REELD1: variants seen among roughly 807,000 people sequenced by gnomAD.
REELD1 encodes the protein reelin domain-containing protein 1.
In REELD1, 12 loss-of-function variants were observed where a neutral mutation model predicts 6.3. That is an observed-to-expected ratio of 1.89 (90% CI 1.21 to 3.07). REELD1 has a LOEUF of 3.07. Ranked by LOEUF, REELD1 falls within the 30% of genes most tolerant of loss-of-function variation. The pLI is 0.00. For missense variants in REELD1, 163 were observed against 86.8 expected (o/e 1.88, Z -3.49); for synonymous variants, 57 against 33.6 (o/e 1.70, Z -2.42).
chr4:146,218,844 G>A (rs1032263506), intron 3 of REELD1, among the ~76,000 whole-genome samples: 7 of 152,084 alleles, frequency 4.6e-5, no homozygotes, highest in African/African-American at 9.7e-5. Context: ...GAATAACAAC[G>A]GTAAGAATCA....
rs1424611441 is a variant in REELD1 at position 146,228,329 on chromosome 4, T to C, written c.715T>C (p.Phe239Leu). 2.8e-6 allele frequency: 2 copies of C among 702,412 alleles called. No individual in the cohort carries two copies. The highest frequency in any genetic ancestry group is 3.5e-5 in the African/African-American group (2 of 57,218). The allele number at this position is 702,412 out of a possible 1,614,324, so 43.5% of individuals were successfully genotyped here. Residue 239 changes from phenylalanine to leucine, a missense_variant, in exon 6 of 8, where the codon TTT (phenylalanine) becomes CTT (leucine). Phe to Leu is a conservative substitution (Grantham distance 22, BLOSUM62 0). Transcript: ENST00000623665. ...PVPASIWVTK[F>L]PGDAETLSQP... ...TCCTGCCAGTATTTGGGTGACAAAGTTTCCTGGGGATGCAGAGACTCTGTC... is the reference window on the plus strand; with the variant it reads ...TCCTGCCAGTATTTGGGTGACAAAGCTTCCTGGGGATGCAGAGACTCTGTC...
At chr4:146,222,951 G>A (rs1365523543) in intron 4 of REELD1, among the ~76,000 whole-genome samples, 5 of 152,098 alleles carry the variant, frequency 3.3e-5, no homozygotes, top group Non-Finnish European at 5.9e-5. Context: ...AAATGGACAC[G>A]TCCCTGGGCC....
At chr4:146,226,117 T>A (rs185166755) in intron 5 of REELD1, among the ~76,000 whole-genome samples, 10 of 152,190 alleles carry the variant, frequency 6.6e-5, no homozygotes, top group Non-Finnish European at 1.5e-4. Flanking sequence ...AAAGAATTCG[T>A]AGGCAAGTAT....
chr4:146,228,613 A>G (rs2110926268), intron 6 of REELD1, 91 bp downstream of exon 6: 1 of 607,498 alleles, frequency 1.6e-6, no homozygotes, highest in East Asian at 2.7e-5. Flanking sequence ...AAAAGATCTC[A>G]GCCATATTTT....
chr4:146,226,756 G>A (rs565341180), intron 5 of REELD1, among the ~76,000 whole-genome samples: 2 of 152,250 alleles, frequency 1.3e-5, no homozygotes, highest in East Asian at 3.9e-4. Flanking sequence ...TGCTTCCTTA[G>A]CTCTGGTATT....
chr4:146,218,665 ACAT>A (rs1468144635), intron 3 of REELD1, among the ~76,000 whole-genome samples: 1 of 152,208 alleles, frequency 6.6e-6, no homozygotes, highest in Non-Finnish European at 1.5e-5. Flanking sequence ...AAACTTTGTC[ACAT>A]CATGACACAG....
chr4:146,216,904 T>A (rs1207286041), intron 2 of REELD1, 38 bp from the exon 3 acceptor site: 1 of 398,234 alleles, frequency 2.5e-6, no homozygotes, highest in Non-Finnish European at 4.4e-6. Context: ...TTTTCCTAAA[T>A]AACGTCTGGA....
chr4:146,228,077 C>CT (rs1227132117), intron 5 of REELD1, 133 bp from the exon 6 acceptor site: 1 of 607,362 alleles, frequency 1.6e-6, no homozygotes, highest in African/African-American at 1.8e-5. Flanking sequence ...CTTTTAAGTG[C>CT]CTCACACTTA....
intron 4 of REELD1, among the ~76,000 whole-genome samples, chr4:146,223,904 A>C (rs913668858): frequency 6.6e-5 from 10 of 152,262 alleles, no homozygotes; most frequent in Admixed American, 2.6e-4. Flanking sequence ...CTTTACTGAA[A>C]TATTTGGAAG....
At chr4:146,227,132 C>T (rs1731038697) in intron 5 of REELD1, among the ~76,000 whole-genome samples, 1 of 152,148 alleles carries the variant, frequency 6.6e-6, no homozygotes, top group Admixed American at 6.5e-5. Flanking sequence ...TCAGGGACAC[C>T]AATTACAAGT....
chr4:146,223,794 G>T (rs1348077805), intron 4 of REELD1, among the ~76,000 whole-genome samples: 1 of 152,216 alleles, frequency 6.6e-6, no homozygotes, highest in Admixed American at 6.5e-5. Flanking sequence ...CGCTCACTGC[G>T]TCTCGAGCCT....
intron 3 of REELD1, among the ~76,000 whole-genome samples, chr4:146,218,993 A>G (rs1047515924): frequency 1.3e-5 from 2 of 152,164 alleles, no homozygotes; most frequent in African/African-American, 4.8e-5. Flanking sequence ...TACAAAAAAA[A>G]TACAGAAATT....
chr4:146,228,921 C>A (rs1390104662), intron 6 of REELD1, 104 bp from the exon 7 acceptor site: 4 of 672,116 alleles, frequency 6.0e-6, no homozygotes, highest in Non-Finnish European at 1.1e-5. Context: ...AGAAGTTTTT[C>A]AAGTGAATCT....
chr4:146,227,200 C>T (rs1731040712), intron 5 of REELD1, among the ~76,000 whole-genome samples: 1 of 152,186 alleles, frequency 6.6e-6, no homozygotes, highest in Admixed American at 6.5e-5. Flanking sequence ...AGCGGGTCTG[C>T]AGGAAATATC....
intron 3 of REELD1, among the ~76,000 whole-genome samples, chr4:146,218,374 A>C (rs1578696696): frequency 6.6e-6 from 1 of 152,220 alleles, no homozygotes; most frequent in African/African-American, 2.4e-5. Context: ...AGGAAGCTAC[A>C]GATACTTCAG....
intron 2 of REELD1, among the ~76,000 whole-genome samples, chr4:146,215,918 T>G (rs2110914535): frequency 6.6e-6 from 1 of 152,216 alleles, no homozygotes; most frequent in Non-Finnish European, 1.5e-5. Flanking sequence ...ACCCAGCTAA[T>G]TTTTTGTATT....
Position 146,230,323 on chromosome 4 carries a change from A to G in REELD1, c.1391A>G (p.Tyr464Cys). 2.5e-6 allele frequency: 1 copy of G among 398,920 alleles called. No individual in the cohort carries two copies. Among genetic ancestry groups the G allele is most frequent in the Non-Finnish European group, 4.4e-6 (1 of 226,306 alleles). The allele number at this position is 398,920 out of a possible 1,614,324, so 24.7% of individuals were successfully genotyped here. A position where few individuals can be genotyped will look rare whatever the true frequency, so the allele number is the denominator to read the frequency against. Residue 464 changes from tyrosine to cysteine, a missense_variant, in exon 8 of 8, where the codon TAC becomes TGC. Transcript: ENST00000623665. ...LGMALAAGLR[Y>C]LHTQYCHQQT... The stretch of plus-strand genomic sequence containing the variant: ...ATGGCCCTGGCCGCTGGCCTTCGCT[A>G]CCTGCACACCCAGTATTGCCACCAG...
chr4:146,216,030 C>A (rs748943902), intron 2 of REELD1, among the ~76,000 whole-genome samples: 1 of 152,136 alleles, frequency 6.6e-6, no homozygotes, highest in African/African-American at 2.4e-5. Context: ...GGATTACAGG[C>A]GTGAGCCACC....
chr4:146,216,046 T>C (rs893292538), intron 2 of REELD1, among the ~76,000 whole-genome samples: 6 of 152,188 alleles, frequency 3.9e-5, no homozygotes, highest in Non-Finnish European at 7.3e-5. Flanking sequence ...CCACCGCACC[T>C]GGCCTAAAAC....
Sources: gnomAD v4.1 joint callset for allele counts (sites outside exome capture counted in the v4.1 genomes callset) on GRCh38, gnomAD v4.1.1 for gene constraint, MANE v1.5 for transcripts, NCBI Gene and HGNC (gene_info 2026-07-23, HGNC 2026-07-21) for gene names.